The following LHPP variants were observed in gnomAD, a reference collection of about 807,000 sequenced individuals.
The protein encoded by LHPP is hLHPP.
LHPP carries 24 observed loss-of-function variants against 30.3 expected under a neutral mutation model. That is an observed-to-expected ratio of 0.79 (90% confidence interval 0.57 to 1.11). The LOEUF is 1.11. LHPP is among the 50% of genes most tolerant of loss of function. LHPP has a pLI of 0.00. For missense variants in LHPP, 356 were observed against 367.2 expected, an observed-to-expected ratio of 0.97 and a Z score of 0.25; for synonymous variants, 150 against 157.1, an observed-to-expected ratio of 0.95 and a Z score of 0.34.
At chr10:124,466,269 G>A (rs1026848022) in intron 1 of LHPP, among the ~76,000 whole-genome samples, 1 of 152,164 alleles carries the variant, frequency 6.6e-6, no homozygotes, top group Non-Finnish European at 1.5e-5. Context: ...ACGGTGCGCT[G>A]TTTCTGGTAT....
intron 5 of LHPP, among the ~76,000 whole-genome samples, chr10:124,502,116 T>G (rs1011567093): frequency 2.0e-5 from 3 of 151,974 alleles, no homozygotes; most frequent in Non-Finnish European, 4.4e-5. Flanking sequence ...AATGTTCACG[T>G]GTACCGTTCA....
At chr10:124,582,604 A>C (rs1564841207) in intron 6 of LHPP, among the ~76,000 whole-genome samples, 1 of 152,198 alleles carries the variant, frequency 6.6e-6, no homozygotes, top group Non-Finnish European at 1.5e-5. Context: ...CCTGCTGTTG[A>C]CTGGAAGACT....
At chr10:124,479,186 C>A (rs1953049570) in intron 1 of LHPP, among the ~76,000 whole-genome samples, 1 of 152,136 alleles carries the variant, frequency 6.6e-6, no homozygotes, top group Admixed American at 6.5e-5. Context: ...CTCAGAGGGG[C>A]TATCTGGCAG....
chr10:124,611,585 A>G (rs1949198966), intron 6 of LHPP, among the ~76,000 whole-genome samples: 1 of 151,608 alleles, frequency 6.6e-6, no homozygotes, highest in Admixed American at 6.6e-5. Flanking sequence ...TCACAGTCAC[A>G]GGGGAGCCCA....
intron 3 of LHPP, chr10:124,489,962 GCTGT>G (rs151256135): frequency 0.01 from 1,720 of 171,650 alleles, 26 homozygotes; most frequent in South Asian, 0.047. Context: ...TCTCTCTATG[GCTGT>G]CTGTCTGTGG....
rs576422381 is a variant in LHPP at position 124,525,964 on chromosome 10, A to AGGTGGCT, written c.716+8695_716+8701dup. ...AAGGGGGTCCCAGGTGGAGGCCGGGAGGTGGCTGCAGAGTGAGGCCACAAG... is the reference window on the plus strand; with the variant it reads ...AAGGGGGTCCCAGGTGGAGGCCGGGAGGTGGCTGGTGGCTGCAGAGTGAGGCCACAAG... On this transcript the variant is annotated intron_variant, in intron 6 of 6. Coordinates refer to ENST00000368842, the MANE Select transcript of LHPP (RefSeq NM_022126.4). Among the ~76,000 whole-genome samples, 8 of 152,230 alleles carry AGGTGGCT rather than the reference A, an allele frequency of 5.3e-5. No individual in the cohort carries two copies. The South Asian group carries it at 1.7e-3, about 32-fold the overall frequency.
At chr10:124,503,026 T>C (rs1953956392) in intron 5 of LHPP, among the ~76,000 whole-genome samples, 1 of 151,742 alleles carries the variant, frequency 6.6e-6, no homozygotes, top group Non-Finnish European at 1.5e-5. Context: ...AAATATTCTC[T>C]TTCTGATCAT....
chr10:124,483,850 A>AG (rs1215573415), intron 1 of LHPP, among the ~76,000 whole-genome samples: 2 of 128,014 alleles, frequency 1.6e-5, no homozygotes, highest in Non-Finnish European at 3.3e-5. Flanking sequence ...GGCAATGAAA[A>AG]GGGGGGTCAG....
chr10:124,503,153 T>G (rs1366153048), intron 5 of LHPP, among the ~76,000 whole-genome samples: 1 of 150,664 alleles, frequency 6.6e-6, no homozygotes, highest in Non-Finnish European at 1.5e-5. Context: ...CACAACCCCC[T>G]CCTCCTGGGT....
At chr10:124,533,721 C>T (rs1407165332) in intron 6 of LHPP, among the ~76,000 whole-genome samples, 1 of 152,244 alleles carries the variant, frequency 6.6e-6, no homozygotes. Flanking sequence ...CAAGACACAG[C>T]CCAGCTTTGC....
chr10:124,607,404 G>A (rs573919552), intron 6 of LHPP, among the ~76,000 whole-genome samples: 4 of 152,382 alleles, frequency 2.6e-5, no homozygotes, highest in South Asian at 2.1e-4. Context: ...AAAAGTCCAC[G>A]ATTTCCGCTG....
intron 6 of LHPP, chr10:124,553,966 A>T: frequency 2.0e-6 from 2 of 985,398 alleles, no homozygotes; most frequent in Non-Finnish European, 1.2e-6. Flanking sequence ...TTGCGGCACC[A>T]TGCTCTGGGA....
chr10:124,488,271 G>A (rs1953402002), intron 2 of LHPP, 151 bp from the exon 3 acceptor site: 1 of 708,964 alleles, frequency 1.4e-6, no homozygotes, highest in African/African-American at 1.8e-5. Context: ...TAACCCTTCT[G>A]TGTCTACCTC....
At chr10:124,483,553 C>T (rs769739040) in intron 1 of LHPP, among the ~76,000 whole-genome samples, 15 of 151,978 alleles carry the variant, frequency 9.9e-5, no homozygotes, top group South Asian at 2.1e-4. Flanking sequence ...GTCAGGAGTT[C>T]GAGACCAGCC....
chr10:124,565,826 C>T (rs968572586), intron 6 of LHPP, among the ~76,000 whole-genome samples: 10 of 152,218 alleles, frequency 6.6e-5, no homozygotes, highest in Admixed American at 3.3e-4. Context: ...CCTGTGGATC[C>T]GCCCTGCTCC....
In LHPP at chr10:124,496,961, G is replaced by T. The variant is rs146652970; in HGVS notation, c.468G>T (p.Gly156=). ...CGTGCTCCGTTCTGCTCTCTCCTAG[G>T]CGTTACTACAAGGAGACCTCTGGCC... ...EKPVLISLGK[G]RYYKETSGLM... The change falls in exon 4 of 7, where the codon GGG becomes GGT. Residue 156 remains glycine, a splice_region_variant and synonymous_variant. Transcript: ENST00000368842. This position sits in a 1 kb window ranked among gnomAD's most constrained non-coding sequence, Gnocchi z 4.3. The T allele has an allele frequency of 1.5e-4, 246 of 1,613,704 alleles. No individual in the cohort carries two copies. In the Middle Eastern group the frequency reaches 2.0e-3, roughly 13 times the overall value.
Position 124,590,348 on chromosome 10 carries a change from C to T in LHPP, c.717-22916C>T, listed in dbSNP as rs1045655450. 1.3e-5 allele frequency among the ~76,000 whole-genome samples: 2 copies of T among 152,206 alleles called. No homozygotes were observed. The highest frequency in any genetic ancestry group is 2.4e-5 in the African/African-American group (1 of 41,456). On this transcript the variant is annotated intron_variant, in intron 6 of 6. Transcript: ENST00000368842. The surrounding 1 kb of genome is among the most constrained non-coding windows in gnomAD (Gnocchi z 4.3). Reference sequence around the variant, plus strand: ...CGGGGAAGTGCTGGAACCCTCCGCACGAGGGCAACCTTTCTTGGGCTCTGA... The same window carrying T: ...CGGGGAAGTGCTGGAACCCTCCGCATGAGGGCAACCTTTCTTGGGCTCTGA...
Position 124,592,898 on chromosome 10 carries a change from C to T in LHPP, c.717-20366C>T, listed in dbSNP as rs181864240. Among the ~76,000 whole-genome samples, 121 of 152,332 alleles carry T rather than the reference C, an allele frequency of 7.9e-4. 1 individual carries two copies. The highest frequency in any genetic ancestry group is 2.7e-3 in the Admixed American group (42 of 15,312). On this transcript the variant is annotated intron_variant, in intron 6 of 6. Coordinates refer to ENST00000368842, the MANE Select transcript of LHPP (RefSeq NM_022126.4). The surrounding 1 kb of genome is among the most constrained non-coding windows in gnomAD (Gnocchi z 6.2). ...ATGGGGTCCCTGTGGGCACAATCGG[C>T]CCAGTGTGGGGCGCACCGCCCCAGG...
chr10:124,582,039 C>T (rs937204027), intron 6 of LHPP, among the ~76,000 whole-genome samples: 3 of 152,046 alleles, frequency 2.0e-5, no homozygotes. Context: ...ACCTTGGCCT[C>T]CCAAAGTGCT....
Sources: allele counts gnomAD v4.1 joint callset (sites outside exome capture counted in the v4.1 genomes callset), GRCh38; gene constraint gnomAD v4.1.1; non-coding constraint Gnocchi (gnomAD v3.1); transcripts MANE v1.5; gene names NCBI Gene and HGNC (gene_info 2026-07-23, HGNC 2026-07-21).